The following KIF21A variants were observed in gnomAD, a reference collection of about 807,000 sequenced individuals.
The protein encoded by KIF21A is kinesin-like protein KIF21A.
In KIF21A, 114 loss-of-function variants were observed where a neutral mutation model predicts 202.9. That is an observed-to-expected ratio of 0.56 (90% CI 0.48 to 0.66). The LOEUF (loss-of-function observed/expected upper bound fraction) is 0.66. KIF21A is among the 30% of genes least tolerant of loss of function. The pLI is 0.00. For synonymous variants in KIF21A, 667 were observed against 670.8 expected (o/e 0.99, Z 0.09); for missense variants, 1,677 against 1,994.9 (o/e 0.84, Z 3.04).
chr12:39,324,067 G>A (rs1035016189), intron 26 of KIF21A, among the ~76,000 whole-genome samples: 9 of 151,676 alleles, frequency 5.9e-5, no homozygotes, highest in Non-Finnish European at 8.8e-5. Flanking sequence ...CTGAGATCGC[G>A]CCACTGCACT....
intron 34 of KIF21A, 99 bp downstream of exon 34, chr12:39,307,466 C>T: frequency 9.3e-7 from 1 of 1,074,464 alleles, no homozygotes; most frequent in East Asian, 2.4e-5. Flanking sequence ...ACATTAACTT[C>T]TGGGGTCATA....
intron 1 of KIF21A, among the ~76,000 whole-genome samples, chr12:39,432,546 T>A (rs540193334): frequency 9.5e-4 from 145 of 152,134 alleles, no homozygotes; most frequent in Non-Finnish European, 1.6e-3. Context: ...GTTATTGAAA[T>A]AAAGCAGATG....
intron 1 of KIF21A, among the ~76,000 whole-genome samples, chr12:39,398,032 A>T (rs1386215827): frequency 6.6e-6 from 1 of 152,204 alleles, no homozygotes; most frequent in Non-Finnish European, 1.5e-5. Context: ...CTATAACCAC[A>T]AGTAAAATTG....
chr12:39,360,829 T>C (rs560748255), intron 7 of KIF21A, among the ~76,000 whole-genome samples: 3 of 152,370 alleles, frequency 2.0e-5, no homozygotes, highest in South Asian at 2.1e-4. Context: ...CACTAAATTA[T>C]GCACATAAAC....
chr12:39,391,308 T>A (rs773459800), intron 1 of KIF21A, among the ~76,000 whole-genome samples: 58 of 131,986 alleles, frequency 4.4e-4, no homozygotes, highest in Admixed American at 7.2e-4. Context: ...ATAAAAAAAA[T>A]TTTTTTTTTC....
intron 17 of KIF21A, among the ~76,000 whole-genome samples, chr12:39,336,337 T>G (rs973904316): frequency 6.6e-6 from 1 of 152,202 alleles, no homozygotes; most frequent in Admixed American, 6.5e-5. Context: ...CTTATAACCC[T>G]AACACAACTA....
chr12:39,428,084 C>T (rs1954903984), intron 1 of KIF21A, among the ~76,000 whole-genome samples: 1 of 152,178 alleles, frequency 6.6e-6, no homozygotes, highest in African/African-American at 2.4e-5. Context: ...AATGTTCATT[C>T]TTAGTCTAGT....
At chr12:39,423,388 C>G (rs1282389448) in intron 1 of KIF21A, among the ~76,000 whole-genome samples, 1 of 151,918 alleles carries the variant, frequency 6.6e-6, no homozygotes, top group Non-Finnish European at 1.5e-5. Context: ...TATTGCTGTA[C>G]CTGGACACAC....
In KIF21A at chr12:39,341,095, C is replaced by T; in HGVS notation, c.1922-1G>A. On this transcript the variant is annotated splice_acceptor_variant, in intron 14 of 37. Transcript: ENST00000361418. LOFTEE classifies it high-confidence loss of function. ...TTTGCCAAGTCTGCTTGATAATTGG[C>T]TATTTATAAAAGAAGAAAATAAAAA... 6.3e-7 allele frequency: 1 copy of T among 1,592,592 alleles called. No homozygotes were observed. Among genetic ancestry groups the T allele is most frequent in the Non-Finnish European group, 8.6e-7 (1 of 1,166,086 alleles).
At chr12:39,359,959 G>T (rs1949079568) in intron 7 of KIF21A, among the ~76,000 whole-genome samples, 1 of 152,108 alleles carries the variant, frequency 6.6e-6, no homozygotes, top group South Asian at 2.1e-4. Context: ...CACAAATGGG[G>T]CAAGCTCTGT....
chr12:39,403,940 T>C lies in KIF21A; in HGVS notation c.45-33679A>G, dbSNP rs148393980. Among the ~76,000 whole-genome samples, 98 of 152,332 alleles carry C rather than the reference T, an allele frequency of 6.4e-4. No individual in the cohort carries two copies. In the East Asian group the frequency reaches 0.01, roughly 16 times the overall value. On this transcript the variant is annotated intron_variant, in intron 1 of 37. Transcript: ENST00000361418. ...AATTAAATGTTAAAGAACTGCTACC[T>C]GTCAAAAGTTTCTCAAAGGACCAAA...
At position 39,332,911 on chromosome 12, in the gene KIF21A, G is replaced by A. The variant is rs149718388; in HGVS notation, c.2684C>T (p.Pro895Leu). Reference protein sequence around the residue: ...PVARVQALPTPATNGNRKKYQ... With the variant: ...PVARVQALPTLATNGNRKKYQ... ...TGTAGACCTGTTTCCATTTGTTGCC[G>A]GCGTTGGTAAGGCCTGGACTCTCGC... Residue 895 changes from proline to leucine, a missense_variant, in exon 19 of 38, where the codon CCG (proline) becomes CTG (leucine). Coordinates refer to ENST00000361418, the MANE Select transcript of KIF21A (RefSeq NM_001173464.2). 815 of 1,613,736 alleles carry A rather than the reference G, an allele frequency of 5.1e-4. 5 individuals carry two copies. Among genetic ancestry groups the A allele is most frequent in the South Asian group, 3.8e-3 (348 of 91,058 alleles).
At chr12:39,438,158 T>C (rs921104677) in intron 1 of KIF21A, among the ~76,000 whole-genome samples, 6 of 152,178 alleles carry the variant, frequency 3.9e-5, no homozygotes, top group East Asian at 3.8e-4. Context: ...GGCTATCTGA[T>C]AGGATTTTAA....
chr12:39,314,314 CT>C (rs2137458770), intron 31 of KIF21A, among the ~76,000 whole-genome samples: 1 of 151,806 alleles, frequency 6.6e-6, no homozygotes, highest in Non-Finnish European at 1.5e-5. Flanking sequence ...AATTTGTAAT[CT>C]AACAATTTAA....
In KIF21A at chr12:39,293,507, A is replaced by G. The variant is rs767772492; in HGVS notation, c.*917T>C. On this transcript the variant is annotated 3_prime_UTR_variant, in exon 38 of 38. Transcript: ENST00000361418. Reference sequence around the variant, plus strand: ...ATTTACATAGCTTTTCCCACCACAGATGATAATAGCTCTCATCATAGCTAC... The same window carrying G: ...ATTTACATAGCTTTTCCCACCACAGGTGATAATAGCTCTCATCATAGCTAC... 12 of 152,756 alleles carry G rather than the reference A, an allele frequency of 7.9e-5. No individual in the cohort carries two copies. Among genetic ancestry groups the G allele is most frequent in the Non-Finnish European group, 1.6e-4 (11 of 68,024 alleles). The allele number at this position is 152,756 out of a possible 1,614,324, so 9.5% of individuals were successfully genotyped here.
At chr12:39,350,143 G>A (rs1305766154) in intron 11 of KIF21A, among the ~76,000 whole-genome samples, 1 of 151,548 alleles carries the variant, frequency 6.6e-6, no homozygotes, top group Non-Finnish European at 1.5e-5. Flanking sequence ...TCTTCACTTA[G>A]GCTTTTATGT....
At position 39,340,927 on chromosome 12, in the gene KIF21A, C is replaced by A. The variant is rs558091834; in HGVS notation, c.2089G>T (p.Asp697Tyr). Residue 697 changes from aspartate to tyrosine, a missense_variant, in exon 15 of 38, where the codon GAC (aspartate) becomes TAC (tyrosine). Transcript: ENST00000361418. The stretch of plus-strand genomic sequence containing the variant: ...TTACCTAAGTTTTGAAGCACCTGGT[C>A]TCTTTCAAGCTGAGTATCCCGAATT... ...HKIRDTQLER[D>Y]QVLQNLGSVE... The A allele has an allele frequency of 6.2e-7, 1 of 1,611,786 alleles. No homozygotes were observed. Among genetic ancestry groups the A allele is most frequent in the African/African-American group, 1.3e-5 (1 of 74,842 alleles).
intron 29 of KIF21A, among the ~76,000 whole-genome samples, chr12:39,317,844 G>A (rs1207122525): frequency 6.6e-6 from 1 of 152,108 alleles, no homozygotes; most frequent in Non-Finnish European, 1.5e-5. Flanking sequence ...AGTGCTGAAG[G>A]CATACCAATA....
At chr12:39,407,496 C>T (rs1220812496) in intron 1 of KIF21A, among the ~76,000 whole-genome samples, 1 of 152,106 alleles carries the variant, frequency 6.6e-6, no homozygotes, top group Non-Finnish European at 1.5e-5. Flanking sequence ...TAACCAAATC[C>T]AATAGTCTAT....
Sources: gnomAD v4.1 joint callset for allele counts (sites outside exome capture counted in the v4.1 genomes callset) on GRCh38, gnomAD v4.1.1 for gene constraint, MANE v1.5 for transcripts, NCBI Gene and HGNC (gene_info 2026-07-23, HGNC 2026-07-21) for gene names.